Variants in CHSY3 observed in about 807,000 individuals in gnomAD.
CHSY3 encodes the protein N-acetylgalactosaminyl-proteoglycan 3-beta-glucuronosyltransferase 3.
Under a neutral mutation model 67.2 loss-of-function variants are expected in CHSY3, and 35 were observed. The observed-to-expected ratio is 0.52, with a 90% CI of 0.40 to 0.69. The LOEUF (loss-of-function observed/expected upper bound fraction) is 0.69. Ranked by LOEUF, CHSY3 falls within the 30% of genes least tolerant of loss-of-function variation. CHSY3 has a pLI of 0.00. For missense variants in CHSY3, 1,069 were observed against 1,138.5 expected (o/e 0.94, Z 0.88); for synonymous variants, 474 against 434.7 (o/e 1.09, Z -1.12).
intron 2 of CHSY3, among the ~76,000 whole-genome samples, chr5:130,111,056 GA>G (rs1260735098): frequency 1.3e-5 from 2 of 151,782 alleles, no homozygotes; most frequent in Non-Finnish European, 2.9e-5. Flanking sequence ...TTGTATCATT[GA>G]AAAAAGGATG....
At chr5:130,013,703 A>G (rs1219433335) in intron 2 of CHSY3, among the ~76,000 whole-genome samples, 2 of 152,206 alleles carry the variant, frequency 1.3e-5, no homozygotes, top group Non-Finnish European at 2.9e-5. Context: ...GACCTAGCCC[A>G]TGAAATCCTT....
chr5:130,168,931 T>C (rs972511748), intron 2 of CHSY3, among the ~76,000 whole-genome samples: 8 of 152,068 alleles, frequency 5.3e-5, no homozygotes, highest in Non-Finnish European at 1.0e-4. Flanking sequence ...TTGTTGTTGC[T>C]CTATCTATAG....
At chr5:130,130,948 G>A (rs904045629) in intron 2 of CHSY3, among the ~76,000 whole-genome samples, 2 of 152,058 alleles carry the variant, frequency 1.3e-5, no homozygotes, top group Admixed American at 6.6e-5. Flanking sequence ...ATAACCTCAG[G>A]ATTCCCTGAT....
chr5:129,929,951 C>T (rs775398886), intron 2 of CHSY3, among the ~76,000 whole-genome samples: 3 of 152,232 alleles, frequency 2.0e-5, no homozygotes, highest in Middle Eastern at 3.4e-3. Context: ...CGAGTTTAAA[C>T]AAAATGTTAA....
intron 2 of CHSY3, chr5:130,001,367 C>T (rs1250357088): frequency 2.2e-5 from 19 of 864,054 alleles, no homozygotes; most frequent in Non-Finnish European, 2.6e-5. Flanking sequence ...TAAAATTCTT[C>T]TTCCTCCTAC....
intron 2 of CHSY3, among the ~76,000 whole-genome samples, chr5:130,113,284 C>T (rs1247495185): frequency 6.6e-6 from 1 of 152,074 alleles, no homozygotes; most frequent in Non-Finnish European, 1.5e-5. Flanking sequence ...TTGTGTAAAT[C>T]ATGCATAATG....
chr5:130,046,063 A>G (rs1477719516), intron 2 of CHSY3, among the ~76,000 whole-genome samples: 1 of 152,112 alleles, frequency 6.6e-6, no homozygotes, highest in Non-Finnish European at 1.5e-5. Flanking sequence ...GGAAACGACT[A>G]TTATAACTCA....
At chr5:129,954,425 C>G (rs901964467) in intron 2 of CHSY3, among the ~76,000 whole-genome samples, 2 of 149,374 alleles carry the variant, frequency 1.3e-5, no homozygotes, top group Non-Finnish European at 3.0e-5. Context: ...ATACCTCTAG[C>G]TGTGCTCTTT....
intron 2 of CHSY3, among the ~76,000 whole-genome samples, chr5:129,975,915 G>A (rs1055584962): frequency 6.6e-6 from 1 of 152,092 alleles, no homozygotes; most frequent in African/African-American, 2.4e-5. Flanking sequence ...CTCTTTATAT[G>A]GGCAAGGAGA....
chr5:130,055,743 G>A (rs1044059440), intron 2 of CHSY3, among the ~76,000 whole-genome samples: 3 of 151,968 alleles, frequency 2.0e-5, no homozygotes, highest in African/African-American at 7.3e-5. Context: ...GAAGCACTGT[G>A]GTGGGAAGGG....
At chr5:129,981,146 G>C (rs570323569) in intron 2 of CHSY3, among the ~76,000 whole-genome samples, 15 of 151,846 alleles carry the variant, frequency 9.9e-5, no homozygotes, top group Non-Finnish European at 2.1e-4. Flanking sequence ...GCGTGAACCC[G>C]GGGGGCGGAG....
chr5:130,076,176 A>C (rs761634913), intron 2 of CHSY3, among the ~76,000 whole-genome samples: 3 of 152,008 alleles, frequency 2.0e-5, no homozygotes, highest in Non-Finnish European at 4.4e-5. Context: ...GCCCTTCCTC[A>C]ATTATTTTTT....
At chr5:129,922,977 AG>A (rs1189280783) in intron 2 of CHSY3, among the ~76,000 whole-genome samples, 1 of 152,238 alleles carries the variant, frequency 6.6e-6, no homozygotes, top group Non-Finnish European at 1.5e-5. Context: ...AAGAGTTCTG[AG>A]TAGGTGAGCA....
At chr5:130,134,640 C>G (rs1768599549) in intron 2 of CHSY3, among the ~76,000 whole-genome samples, 1 of 152,190 alleles carries the variant, frequency 6.6e-6, no homozygotes, top group South Asian at 2.1e-4. Flanking sequence ...GTTGTTACTG[C>G]TACACTGATT....
At chr5:129,973,648 A>G (rs973369779) in intron 2 of CHSY3, among the ~76,000 whole-genome samples, 1 of 151,958 alleles carries the variant, frequency 6.6e-6, no homozygotes, top group African/African-American at 2.4e-5. Context: ...CCTTTCCTCA[A>G]TTTTTACAGG....
intron 2 of CHSY3, among the ~76,000 whole-genome samples, chr5:130,162,274 A>G (rs1421247281): frequency 6.6e-6 from 1 of 152,090 alleles, no homozygotes; most frequent in Non-Finnish European, 1.5e-5. Flanking sequence ...AATGTATGAT[A>G]TATAAATATA....
At chr5:130,093,468 T>A (rs1025136064) in intron 2 of CHSY3, among the ~76,000 whole-genome samples, 2 of 152,210 alleles carry the variant, frequency 1.3e-5, no homozygotes, top group African/African-American at 4.8e-5. Flanking sequence ...CAGATTTCCC[T>A]ATCACATAAG....
intron 2 of CHSY3, among the ~76,000 whole-genome samples, chr5:130,020,780 T>A (rs1025815532): frequency 6.6e-6 from 1 of 152,092 alleles, no homozygotes; most frequent in African/African-American, 2.4e-5. Flanking sequence ...GTAATTCCTC[T>A]AAGAAATCTA....
chr5:129,949,879 A>G (rs1761974211), intron 2 of CHSY3, among the ~76,000 whole-genome samples: 1 of 152,086 alleles, frequency 6.6e-6, no homozygotes, highest in Non-Finnish European at 1.5e-5. Flanking sequence ...CATATGATGG[A>G]TAGGCTGGGC....
Sources: gnomAD v4.1 joint callset for allele counts (sites outside exome capture counted in the v4.1 genomes callset) on GRCh38, gnomAD v4.1.1 for gene constraint, MANE v1.5 for transcripts, NCBI Gene and HGNC (gene_info 2026-07-23, HGNC 2026-07-21) for gene names.